The following ACY1 variants were observed in gnomAD, a reference collection of about 807,000 sequenced individuals.
The protein encoded by ACY1 is aminoacylase 1, also known as aminoacylase-1.
A neutral mutation model predicts 53.3 loss-of-function variants in ACY1; 38 were observed. That is an observed-to-expected ratio of 0.71 (90% confidence interval 0.55 to 0.93). The LOEUF (loss-of-function observed/expected upper bound fraction) is 0.93. ACY1 is among the 40% of genes least tolerant of loss of function. The probability of loss-of-function intolerance (pLI) is 0.00; values close to 1 mark genes in which losing one functional copy is unlikely to be tolerated. For synonymous variants in ACY1, 177 were observed against 202.1 expected (o/e 0.88, Z 1.05); for missense variants, 484 against 540.9 (o/e 0.89, Z 1.04).
chr3:51,986,724 G>C, intron 8 of ACY1, 63 bp downstream of exon 8: 1 of 1,590,096 alleles, frequency 6.3e-7, no homozygotes, highest in South Asian at 1.1e-5. Flanking sequence ...GAAAGGGCAC[G>C]GTCCTATGCA....
chr3:51,989,066 T>C lies in ACY1; in HGVS notation c.1218T>C (p.Ser406=), dbSNP rs1701180132. The C allele has an allele frequency of 6.2e-7, 1 of 1,613,756 alleles. No individual in the cohort carries two copies. The highest frequency in any genetic ancestry group is 1.3e-5 in the African/African-American group (1 of 75,054). ...PALASVPALP[S]DS is the part of the protein sequence containing the mutation. ...TTGCCAGTGTGCCTGCCCTGCCCAGTGACAGCTGAGCCCTGGAACTCCTAA... is the reference window on the plus strand; with the variant it reads ...TTGCCAGTGTGCCTGCCCTGCCCAGCGACAGCTGAGCCCTGGAACTCCTAA... The change falls in exon 15 of 15, where the codon AGT becomes AGC. Residue 406 remains serine (S), a synonymous_variant. Coordinates refer to ENST00000636358, the MANE Select transcript of ACY1 (RefSeq NM_000666.3).
At chr3:51,983,928 G>A in intron 1 of ACY1, 119 bp from the exon 2 acceptor site, 13 of 754,840 alleles carry the variant, frequency 1.7e-5, no homozygotes, top group South Asian at 1.7e-4. Context: ...TGGGGGCTCC[G>A]AAACACGGTA....
chr3:51,988,927 T>C lies in ACY1; in HGVS notation c.1079T>C (p.Leu360Pro). 6.2e-7 allele frequency: 1 copy of C among 1,614,216 alleles called. No homozygotes were observed. Among genetic ancestry groups the C allele is most frequent in the Non-Finnish European group, 8.5e-7 (1 of 1,180,042 alleles). Residue 360 changes from leucine (L) to proline (P), a missense_variant, in exon 15 of 15, where the codon CTA (leucine) becomes CCA (proline). Physicochemically the swap from Leu to Pro is moderately conservative, Grantham distance 98 (BLOSUM62 -3). Coordinates refer to ENST00000636358, the MANE Select transcript of ACY1 (RefSeq NM_000666.3). The part of the protein sequence containing the change: ...RYIRAVGVPA[L>P]GFSPMNRTPV... ...CCCCTGCAGGTGGGGGTCCCAGCTCTAGGCTTCTCACCCATGAACCGCACA... is the reference window on the plus strand; with the variant it reads ...CCCCTGCAGGTGGGGGTCCCAGCTCCAGGCTTCTCACCCATGAACCGCACA...
At chr3:51,985,976 A>T in intron 5 of ACY1, 30 bp downstream of exon 5, 1 of 1,587,560 alleles carries the variant, frequency 6.3e-7, no homozygotes, top group Non-Finnish European at 8.6e-7. Flanking sequence ...ACTCCTCCAC[A>T]ATGTCCCCAC....
At chr3:51,984,233 C>A in intron 2 of ACY1, 75 bp downstream of exon 2, 1 of 1,378,442 alleles carries the variant, frequency 7.3e-7, no homozygotes. Flanking sequence ...AGCCTCCAAC[C>A]CCTGTCACCC....
intron 5 of ACY1, 85 bp downstream of exon 5, chr3:51,986,031 A>G: frequency 2.2e-6 from 3 of 1,359,488 alleles, no homozygotes; most frequent in Non-Finnish European, 1.0e-6. Context: ...GATTGGAGAA[A>G]CTCAAGGCCA....
intron 9 of ACY1, 26 bp from the exon 10 acceptor site, chr3:51,987,121 T>C (rs758307539): frequency 5.0e-6 from 8 of 1,613,982 alleles, no homozygotes; most frequent in African/African-American, 1.3e-5. Flanking sequence ...GAGGCCACTG[T>C]CCCATTTAAC....
chr3:51,985,738 C>T (rs1163443032), intron 4 of ACY1, 114 bp from the exon 5 acceptor site: 10 of 940,996 alleles, frequency 1.1e-5, no homozygotes, highest in African/African-American at 4.9e-5. Flanking sequence ...TCTCCCACCA[C>T]TCCACCTGTC....
At chr3:51,987,670 G>C in intron 12 of ACY1, 46 bp downstream of exon 12, 1 of 1,596,304 alleles carries the variant, frequency 6.3e-7, no homozygotes, top group East Asian at 2.2e-5. Context: ...AGCCGGGGGA[G>C]ACCCAAGTGT....
rs553270370 is a variant in ACY1 at position 51,986,453 on chromosome 3, G to A, written c.475G>A (p.Val159Met). Residue 159 changes from valine to methionine, a missense_variant, in exon 7 of 15, where the codon GTG (valine) becomes ATG (methionine). Physicochemically the swap from Val to Met is conservative, Grantham distance 21. Coordinates refer to ENST00000636358, the MANE Select transcript of ACY1 (RefSeq NM_000666.3). Reference sequence around the variant, plus strand: ...GGGTCACCAAGGCATGGAGCTGTTCGTGCAGCGGCCTGAGTTCCACGCCCT... The same window carrying A: ...GGGTCACCAAGGCATGGAGCTGTTCATGCAGCGGCCTGAGTTCCACGCCCT... ...VGGHQGMELF[V>M]QRPEFHALRA... 1.5e-5 allele frequency: 24 copies of A among 1,613,462 alleles called. No homozygotes were observed. In the East Asian group the frequency reaches 3.6e-4, roughly 24 times the overall value.
chr3:51,985,616 C>A, intron 4 of ACY1, 151 bp downstream of exon 4: 1 of 828,810 alleles, frequency 1.2e-6, no homozygotes, highest in Non-Finnish European at 2.0e-6. Context: ...CTCAAGCAGC[C>A]TTCATCCAGC....
intron 2 of ACY1, 107 bp from the exon 3 acceptor site, chr3:51,985,099 CG>C: frequency 9.2e-7 from 1 of 1,092,578 alleles, no homozygotes; most frequent in South Asian, 1.3e-5. Flanking sequence ...TGGAGTGTGT[CG>C]GGGAGGCAGC....
rs1700995795 is a variant in ACY1, at chr3:51,984,708, C to T, written c.95-499C>T. 1.2e-5 allele frequency: 3 copies of T among 256,402 alleles called. No homozygotes were observed. In the South Asian group the frequency reaches 1.3e-4, roughly 11 times the overall value. 15.9% of individuals were successfully genotyped at this position (256,402 alleles called of 1,614,324 possible). ...GGCACACCTGTAGTCCCAGCTACTC[C>T]AGAGGTTGAGGTGGGAGGATCGCTT... On this transcript the variant is annotated intron_variant, in intron 2 of 14. Transcript: ENST00000636358.
intron 12 of ACY1, chr3:51,988,008 G>A (rs1425935981): frequency 9.9e-6 from 3 of 302,150 alleles, no homozygotes; most frequent in South Asian, 3.4e-5. Context: ...TGGGATTACA[G>A]GCACCTGCCA....
Position 51,985,940 on chromosome 3 carries a change from G to C in ACY1, c.353G>C (p.Ser118Thr), listed in dbSNP as rs763793253. The C allele has an allele frequency of 1.8e-5, 29 of 1,610,988 alleles. No individual in the cohort carries two copies. In the Admixed American group the frequency reaches 2.2e-4, roughly 12 times the overall value. The change falls in exon 5 of 15, where the codon AGC becomes ACC. Residue 118 changes from serine (S) to threonine (T), a missense_variant. Coordinates refer to ENST00000636358, the MANE Select transcript of ACY1 (RefSeq NM_000666.3). The stretch of plus-strand genomic sequence containing the variant: ...GGTGCCCAGGACATGAAGTGCGTCA[G>C]CATCCAGTGAGTGTCCTCCATTCCT... ...ARGAQDMKCV[S>T]IQYLEAVRRL...
chr3:51,985,850 A>G lies in ACY1; in HGVS notation c.265-2A>G, dbSNP rs1701036214. On this transcript the variant is annotated splice_acceptor_variant, in intron 4 of 14. Coordinates refer to ENST00000636358, the MANE Select transcript of ACY1 (RefSeq NM_000666.3). LOFTEE classifies it high-confidence loss of function. ...GGCCCCTCTTCCCATCCCTGCCCCC[A>G]GGAACATTGGAGTCACGACCCCTTT... 1 of 1,612,984 alleles carries G rather than the reference A, an allele frequency of 6.2e-7. No individual in the cohort carries two copies. The highest frequency in any genetic ancestry group is 8.5e-7 in the Non-Finnish European group (1 of 1,179,568).
chr3:51,987,670 G>A (rs1350928473), intron 12 of ACY1, 46 bp downstream of exon 12: 1 of 1,596,422 alleles, frequency 6.3e-7, no homozygotes, highest in African/African-American at 1.3e-5. Flanking sequence ...AGCCGGGGGA[G>A]ACCCAAGTGT....
At position 51,988,700 on chromosome 3, in the gene ACY1, A is replaced by G. The variant is rs1180614290; in HGVS notation, c.1002-66A>G. The G allele has an allele frequency of 3.8e-6, 6 of 1,568,956 alleles. No individual in the cohort carries two copies. The Admixed American group carries it at 1.0e-4, about 27-fold the overall frequency. ...TCCCTCCTTCTCCCACCTCTTTCCC[A>G]CCTTCCTTTGCCCCTTCAATTCTTC... On this transcript the variant is annotated intron_variant, in intron 13 of 14. Coordinates refer to ENST00000636358, the MANE Select transcript of ACY1 (RefSeq NM_000666.3).
At position 51,985,903 on chromosome 3, in the gene ACY1, A is replaced by G; in HGVS notation, c.316A>G (p.Ile106Val). The change falls in exon 5 of 15, where the codon ATC becomes GTC. Residue 106 changes from isoleucine to valine, a missense_variant. By Grantham distance (29) the Ile-to-Val change is conservative. Transcript: ENST00000636358. Reference sequence around the variant, plus strand: ...GGCCTTCAAGGATTCTGAGGGCTACATCTATGCCAGGGGTGCCCAGGACAT... The same window carrying G: ...GGCCTTCAAGGATTCTGAGGGCTACGTCTATGCCAGGGGTGCCCAGGACAT... ...FEAFKDSEGY[I>V]YARGAQDMKC... 1 of 1,613,568 alleles carries G rather than the reference A, an allele frequency of 6.2e-7. No individual in the cohort carries two copies. Among genetic ancestry groups the G allele is most frequent in the Non-Finnish European group, 8.5e-7 (1 of 1,179,800 alleles).
Sources: gnomAD v4.1 joint callset for allele counts on GRCh38, gnomAD v4.1.1 for gene constraint, MANE v1.5 for transcripts, NCBI Gene and HGNC (gene_info 2026-07-23, HGNC 2026-07-21) for gene names.